FHIP1A: variants seen among roughly 807,000 people sequenced by gnomAD.
FHIP1A encodes FHF complex subunit HOOK-interacting protein 1A.
In FHIP1A, 61 loss-of-function variants were observed where a neutral mutation model predicts 88.6. That is an observed-to-expected ratio of 0.69 (90% CI 0.56 to 0.85). FHIP1A has a LOEUF of 0.85. Among genes scored for constraint, FHIP1A ranks in the 40% least tolerant of loss-of-function variants. The pLI, the probability that FHIP1A is intolerant of heterozygous loss-of-function variation, is 0.00. For synonymous variants in FHIP1A, 478 were observed against 496.0 expected, an observed-to-expected ratio of 0.96 and a Z score of 0.48; for missense variants, 1,154 against 1,273.5, an observed-to-expected ratio of 0.91 and a Z score of 1.43.
chr4:151,515,661 A>G (rs1316493113), intron 3 of FHIP1A, among the ~76,000 whole-genome samples: 2 of 152,188 alleles, frequency 1.3e-5, no homozygotes, highest in Non-Finnish European at 2.9e-5. Flanking sequence ...CACCAATAAC[A>G]GACAGAGAGC....
chr4:151,570,933 C>T (rs1185798104), intron 4 of FHIP1A, among the ~76,000 whole-genome samples: 1 of 152,150 alleles, frequency 6.6e-6, no homozygotes, highest in Non-Finnish European at 1.5e-5. Context: ...TTATAGTAGT[C>T]TATTAGAACA....
intron 3 of FHIP1A, among the ~76,000 whole-genome samples, chr4:151,514,789 C>A (rs1202775094): frequency 2.6e-5 from 4 of 152,058 alleles, no homozygotes; most frequent in Admixed American, 2.0e-4. Flanking sequence ...CAATAACAGG[C>A]TCTGAAATTA....
chr4:151,462,931 G>A (rs1048807640), intron 2 of FHIP1A, among the ~76,000 whole-genome samples: 1 of 152,142 alleles, frequency 6.6e-6, no homozygotes. Context: ...GTTTTCAAGG[G>A]TAGTTTTACT....
rs1185759502 is a variant in FHIP1A at position 151,666,028 on chromosome 4, T to G, written c.*3274T>G. On this transcript the variant is annotated 3_prime_UTR_variant, in exon 14 of 14. Coordinates refer to ENST00000435205, the MANE Select transcript of FHIP1A (RefSeq NM_001109977.3). ...AAGGGTTCCTGGAGTATCACAACAT[T>G]AACCTCAATTCATAATTCAGGGCCC... Among the ~76,000 whole-genome samples, 1 of 152,220 alleles carries G rather than the reference T, an allele frequency of 6.6e-6. No individual in the cohort carries two copies. The highest frequency in any genetic ancestry group is 1.5e-5 in the Non-Finnish European group (1 of 68,044).
chr4:151,502,812 T>G (rs1730698946), intron 3 of FHIP1A, among the ~76,000 whole-genome samples: 1 of 152,242 alleles, frequency 6.6e-6, no homozygotes. Context: ...AACACTCTAC[T>G]GGCTGCAGAC....
intron 1 of FHIP1A, among the ~76,000 whole-genome samples, chr4:151,418,172 T>TA (rs1040622837): frequency 0.15 from 11,575 of 77,774 alleles, 1,286 homozygotes; most frequent in African/African-American, 0.21. Context: ...AACCTATCTC[T>TA]AAAAAAAAAA....
intron 3 of FHIP1A, among the ~76,000 whole-genome samples, chr4:151,519,031 G>T (rs989764777): frequency 6.6e-6 from 1 of 151,900 alleles, no homozygotes; most frequent in Non-Finnish European, 1.5e-5. Flanking sequence ...AAGTTCTTCA[G>T]CATATCTATC....
Position 151,611,223 on chromosome 4 carries a change from G to A in FHIP1A, c.979-18479G>A, listed in dbSNP as rs372565338. 2.6e-5 allele frequency among the ~76,000 whole-genome samples: 4 copies of A among 152,234 alleles called. No individual in the cohort carries two copies. In the South Asian group the frequency reaches 8.3e-4, roughly 32 times the overall value. The stretch of plus-strand genomic sequence containing the variant: ...AGAAAAATGAGGCACTTGCACAGGG[G>A]TGGGTGGTGGTGTTTAGGATTGGCT... On this transcript the variant is annotated intron_variant, in intron 7 of 13. Transcript: ENST00000435205.
chr4:151,611,366 G>A (rs1387984255), intron 7 of FHIP1A, among the ~76,000 whole-genome samples: 1 of 152,062 alleles, frequency 6.6e-6, no homozygotes, highest in Non-Finnish European at 1.5e-5. Flanking sequence ...TTTAAAGGAA[G>A]ATATAGATAT....
At position 151,629,821 on chromosome 4, in the gene FHIP1A, T is replaced by C. The variant is rs1481901830; in HGVS notation, c.1098T>C (p.Asn366=). 26 of 1,551,372 alleles carry C rather than the reference T, an allele frequency of 1.7e-5. No homozygotes were observed. Among genetic ancestry groups the C allele is most frequent in the Non-Finnish European group, 1.8e-5 (21 of 1,146,848 alleles). The change falls in exon 8 of 14, where the codon AAT becomes AAC. Residue 366 remains asparagine (N), a synonymous_variant. Coordinates refer to ENST00000435205, the MANE Select transcript of FHIP1A (RefSeq NM_001109977.3). The part of the protein sequence containing the change: ...LRFILLHQHE[N]VHILDTLTSR... ...TTATCCTATTGCACCAGCACGAGAA[T>C]GTCCACATCCTAGACACTCTCACGA...
At chr4:151,448,225 C>G (rs1580577215) in intron 1 of FHIP1A, among the ~76,000 whole-genome samples, 1 of 151,962 alleles carries the variant, frequency 6.6e-6, no homozygotes, top group African/African-American at 2.4e-5. Flanking sequence ...GGCCTAGCCT[C>G]CAGAATTTTG....
chr4:151,446,581 C>CTTTTTTTTTTTT (rs35115788), intron 1 of FHIP1A, among the ~76,000 whole-genome samples: 1 of 109,966 alleles, frequency 9.1e-6, no homozygotes, highest in Non-Finnish European at 1.8e-5. Context: ...TGTTCTTTTT[C>CTTTTTTTTTTTT]TTTTTTTTTT....
chr4:151,435,139 T>C (rs899514415), intron 1 of FHIP1A, among the ~76,000 whole-genome samples: 20 of 149,960 alleles, frequency 1.3e-4, no homozygotes, highest in Non-Finnish European at 7.4e-5. Flanking sequence ...AGTCTTGCTA[T>C]TTTGAACTAT....
chr4:151,614,590 T>C (rs1156351008), intron 7 of FHIP1A, among the ~76,000 whole-genome samples: 3 of 152,152 alleles, frequency 2.0e-5, no homozygotes, highest in Non-Finnish European at 4.4e-5. Context: ...TAACCAGTAT[T>C]CTCCTGGGGC....
chr4:151,510,982 T>C (rs552193743), intron 3 of FHIP1A, among the ~76,000 whole-genome samples: 9 of 150,922 alleles, frequency 6.0e-5, no homozygotes, highest in South Asian at 2.1e-4. Flanking sequence ...TTAAAGACTT[T>C]ATGATCTTTT....
intron 3 of FHIP1A, among the ~76,000 whole-genome samples, chr4:151,504,562 T>TTTATG (rs59935750): frequency 0.13 from 18,695 of 145,052 alleles, 1,551 homozygotes; most frequent in South Asian, 0.27. Context: ...GGGAAAAAAT[T>TTTATG]TTATGTTATG....
At chr4:151,565,727 A>C (rs1346513430) in intron 3 of FHIP1A, among the ~76,000 whole-genome samples, 1 of 151,950 alleles carries the variant, frequency 6.6e-6, no homozygotes, top group African/African-American at 2.4e-5. Flanking sequence ...CTGGTATCAT[A>C]ATAGTTTGGT....
chr4:151,563,597 T>C (rs914500235), intron 3 of FHIP1A, among the ~76,000 whole-genome samples: 2 of 152,226 alleles, frequency 1.3e-5, no homozygotes, highest in African/African-American at 4.8e-5. Flanking sequence ...GCAGCTGCTT[T>C]ACCTACTTAC....
intron 2 of FHIP1A, among the ~76,000 whole-genome samples, chr4:151,474,703 AC>A (rs1729638725): frequency 6.6e-6 from 1 of 152,196 alleles, no homozygotes; most frequent in African/African-American, 2.4e-5. Context: ...CCAGTAATAA[AC>A]ACGTGTTTAT....
Sources: gnomAD v4.1 joint callset for allele counts (sites outside exome capture counted in the v4.1 genomes callset) on GRCh38, gnomAD v4.1.1 for gene constraint, MANE v1.5 for transcripts, NCBI Gene and HGNC (gene_info 2026-07-23, HGNC 2026-07-21) for gene names.